The following MAGI1 variants were observed in gnomAD, a reference collection of about 807,000 sequenced individuals.
MAGI1 encodes the protein membrane-associated guanylate kinase, WW and PDZ domain-containing protein 1.
A neutral mutation model predicts 139.9 loss-of-function variants in MAGI1; 58 were observed. The ratio of observed to expected loss-of-function variants is 0.41; its 90% CI spans 0.34 to 0.52. The LOEUF (loss-of-function observed/expected upper bound fraction) is 0.52. Ranked by LOEUF, MAGI1 falls within the 20% of genes least tolerant of loss-of-function variation. The probability of loss-of-function intolerance (pLI) is 0.12; values close to 1 mark genes in which losing one functional copy is unlikely to be tolerated. For synonymous variants in MAGI1, 812 were observed against 737.9 expected (o/e 1.10, Z -1.63); for missense variants, 1,874 against 1,901.6 (o/e 0.99, Z 0.27).
At chr3:65,876,043 T>A (rs1197385088) in intron 1 of MAGI1, among the ~76,000 whole-genome samples, 2 of 151,676 alleles carry the variant, frequency 1.3e-5, no homozygotes, top group Non-Finnish European at 2.9e-5. Flanking sequence ...GCTGTGAGGG[T>A]TTTTCAGTTC....
At chr3:65,680,760 AATGATATGATATGAT>A (rs1553690349) in intron 1 of MAGI1, among the ~76,000 whole-genome samples, 14 of 135,148 alleles carry the variant, frequency 1.0e-4, no homozygotes, top group Middle Eastern at 3.6e-3. Context: ...ATAATATAAT[AATGATATGATATGAT>A]ATGATATGAT....
intron 2 of MAGI1, among the ~76,000 whole-genome samples, chr3:65,534,693 A>G (rs2078874329): frequency 6.6e-6 from 1 of 152,174 alleles, no homozygotes; most frequent in Non-Finnish European, 1.5e-5. Flanking sequence ...ATTCACATTG[A>G]CTGTGATGTC....
At chr3:65,596,204 T>C (rs957766387) in intron 2 of MAGI1, among the ~76,000 whole-genome samples, 5 of 152,300 alleles carry the variant, frequency 3.3e-5, no homozygotes, top group African/African-American at 7.2e-5. Context: ...AATGCATTTA[T>C]TTTCCCAGAA....
At chr3:65,549,657 G>C (rs1413571890) in intron 2 of MAGI1, among the ~76,000 whole-genome samples, 2 of 152,066 alleles carry the variant, frequency 1.3e-5, no homozygotes, top group African/African-American at 4.8e-5. Context: ...GGGAGTGCGC[G>C]ACTGCCTGCC....
intron 1 of MAGI1, among the ~76,000 whole-genome samples, chr3:65,717,234 C>A (rs2032381270): frequency 6.6e-6 from 1 of 152,034 alleles, no homozygotes; most frequent in African/African-American, 2.4e-5. Flanking sequence ...GTCTTCAAAC[C>A]CAGTTAGACT....
chr3:66,015,501 C>G (rs1041202848), intron 1 of MAGI1, among the ~76,000 whole-genome samples: 1 of 152,020 alleles, frequency 6.6e-6, no homozygotes, highest in Non-Finnish European at 1.5e-5. Flanking sequence ...CAATTTCCTA[C>G]TCTCAAAAAT....
chr3:66,032,188 A>G (rs1488641903), intron 1 of MAGI1, among the ~76,000 whole-genome samples: 1 of 150,170 alleles, frequency 6.7e-6, no homozygotes, highest in Non-Finnish European at 1.5e-5. Context: ...CAGGCATCCA[A>G]CCAATTTTAG....
At chr3:65,583,723 T>C (rs1357578220) in intron 2 of MAGI1, among the ~76,000 whole-genome samples, 1 of 152,096 alleles carries the variant, frequency 6.6e-6, no homozygotes, top group East Asian at 1.9e-4. Context: ...AAAATGAGGC[T>C]GAAGAAGAAT....
intron 1 of MAGI1, among the ~76,000 whole-genome samples, chr3:66,021,172 T>C (rs2067939929): frequency 6.6e-6 from 1 of 152,222 alleles, no homozygotes; most frequent in Non-Finnish European, 1.5e-5. Context: ...TGTGTGTCAG[T>C]ACAATGTAAA....
At chr3:65,924,443 T>C (rs2062392427) in intron 1 of MAGI1, among the ~76,000 whole-genome samples, 1 of 152,176 alleles carries the variant, frequency 6.6e-6, no homozygotes, top group Non-Finnish European at 1.5e-5. Flanking sequence ...ATTTCTAGCA[T>C]CAAACCAAGC....
chr3:65,837,732 C>G (rs1428438099), intron 1 of MAGI1, among the ~76,000 whole-genome samples: 1 of 152,132 alleles, frequency 6.6e-6, no homozygotes, highest in Non-Finnish European at 1.5e-5. Flanking sequence ...TTTCAGTCAG[C>G]ATTTAAATCT....
At chr3:65,363,654 C>A (rs1941106551) in intron 20 of MAGI1, 46 bp from the exon 21 acceptor site, 1 of 1,550,734 alleles carries the variant, frequency 6.4e-7, no homozygotes, top group South Asian at 1.2e-5. Flanking sequence ...AACTAATATC[C>A]ATAGGACTCT....
chr3:66,002,078 T>G (rs192514121), intron 1 of MAGI1, among the ~76,000 whole-genome samples: 91 of 152,234 alleles, frequency 6.0e-4, no homozygotes, highest in African/African-American at 2.1e-3. Context: ...TTGAGTCTCA[T>G]AAACAAAAAC....
At chr3:65,881,660 TATA>T (rs1411329211) in intron 1 of MAGI1, among the ~76,000 whole-genome samples, 1 of 151,864 alleles carries the variant, frequency 6.6e-6, no homozygotes, top group Non-Finnish European at 1.5e-5. Flanking sequence ...TCCATATGAG[TATA>T]ATAAGCTCAT....
At chr3:65,968,563 G>C (rs1041041263) in intron 1 of MAGI1, among the ~76,000 whole-genome samples, 6 of 151,632 alleles carry the variant, frequency 4.0e-5, no homozygotes, top group African/African-American at 1.2e-4. Flanking sequence ...TTAAAATAAG[G>C]TGTGTGTGTA....
intron 1 of MAGI1, among the ~76,000 whole-genome samples, chr3:65,848,305 G>A (rs1231771292): frequency 6.6e-6 from 1 of 152,180 alleles, no homozygotes; most frequent in East Asian, 1.9e-4. Context: ...GTGAAGCAAA[G>A]CGAAGCAACT....
At chr3:65,674,534 AC>A (rs1448444874) in intron 1 of MAGI1, among the ~76,000 whole-genome samples, 2 of 152,124 alleles carry the variant, frequency 1.3e-5, no homozygotes, top group South Asian at 2.1e-4. Context: ...ACTAACTAAC[AC>A]AGTTTGGCTT....
At chr3:65,925,826 C>G (rs550383132) in intron 1 of MAGI1, among the ~76,000 whole-genome samples, 1 of 152,094 alleles carries the variant, frequency 6.6e-6, no homozygotes, top group Admixed American at 6.5e-5. Context: ...ACTACAGTCA[C>G]GAGCCACCAC....
At chr3:65,437,404 C>CTTTTTTTTTTTTT (rs5849667) in intron 9 of MAGI1, among the ~76,000 whole-genome samples, 157 bp from the exon 10 acceptor site, 18 of 138,680 alleles carry the variant, frequency 1.3e-4, no homozygotes, top group Non-Finnish European at 1.1e-4. Flanking sequence ...CTATGAAGCT[C>CTTTTTTTTTTTTT]TTTTTTTTTT....
Sources: allele counts gnomAD v4.1 joint callset (sites outside exome capture counted in the v4.1 genomes callset), GRCh38; gene constraint gnomAD v4.1.1; transcripts MANE v1.5; gene names NCBI Gene and HGNC (gene_info 2026-07-23, HGNC 2026-07-21).